CNTNAP4: variants seen among roughly 807,000 people sequenced by gnomAD.
CNTNAP4 encodes the protein contactin associated protein family member 4, also known as contactin-associated protein-like 4.
In CNTNAP4, 98 loss-of-function variants were observed where a neutral mutation model predicts 148.4. The ratio of observed to expected loss-of-function variants is 0.66; its 90% CI spans 0.56 to 0.78. CNTNAP4 has a LOEUF of 0.78. CNTNAP4 is among the 30% of genes least tolerant of loss of function. The pLI, the probability that CNTNAP4 is intolerant of heterozygous loss-of-function variation, is 0.00. For synonymous variants in CNTNAP4, 730 were observed against 565.1 expected, an observed-to-expected ratio of 1.29 and a Z score of -4.14; for missense variants, 1,935 against 1,565.6, an observed-to-expected ratio of 1.24 and a Z score of -3.98.
rs147000819 is a variant in CNTNAP4 at position 76,486,495 on chromosome 16, G to T, written c.1883-3191G>T. Among the ~76,000 whole-genome samples, 159 of 152,130 alleles carry T rather than the reference G, an allele frequency of 1.0e-3. 1 individual carries two copies. The highest frequency in any genetic ancestry group is 3.6e-3 in the African/African-American group (151 of 41,520). ...AACCTCAACCAGGTAGCAGTTGCTT[G>T]TCTACAGACAAGACAAGAATTATTT... On this transcript the variant is annotated intron_variant, in intron 12 of 23. Coordinates refer to ENST00000611870, the MANE Select transcript of CNTNAP4 (RefSeq NM_033401.5).
At chr16:76,436,245 G>A (rs568204803) in intron 4 of CNTNAP4, among the ~76,000 whole-genome samples, 14 of 152,180 alleles carry the variant, frequency 9.2e-5, no homozygotes, top group South Asian at 2.1e-4. Flanking sequence ...GGATGATGCC[G>A]CTACTGGGGA....
rs764995990 is a variant in CNTNAP4 at position 76,553,391 on chromosome 16, A to T, written c.3551A>T (p.His1184Leu). ...GTGGCCCCTCTGAAGGCAGCTCTGC[A>T]CCCCAGCCACCCAGACCCTGTCACT... The part of the protein sequence containing the change: ...SHVAPLKAAL[H>L]PSHPDPVTVT... Residue 1184 changes from histidine (H) to leucine (L), a missense_variant, in exon 22 of 24, where the codon CAC becomes CTC. By Grantham distance (99) the His-to-Leu change is moderately conservative (BLOSUM62 -3). Coordinates refer to ENST00000611870, the MANE Select transcript of CNTNAP4 (RefSeq NM_033401.5). 1 of 1,612,454 alleles carries T rather than the reference A, an allele frequency of 6.2e-7. No individual in the cohort carries two copies. Among genetic ancestry groups the T allele is most frequent in the South Asian group, 1.1e-5 (1 of 90,680 alleles).
intron 1 of CNTNAP4, among the ~76,000 whole-genome samples, chr16:76,300,067 C>A (rs1948677091): frequency 6.6e-6 from 1 of 151,826 alleles, no homozygotes; most frequent in Non-Finnish European, 1.5e-5. Flanking sequence ...ATGGGTGCAG[C>A]ACACCAACAC....
At chr16:76,305,620 G>A (rs1035370705) in intron 1 of CNTNAP4, among the ~76,000 whole-genome samples, 1 of 152,184 alleles carries the variant, frequency 6.6e-6, no homozygotes, top group Non-Finnish European at 1.5e-5. Flanking sequence ...TGGCTTAGCA[G>A]TGGGGAAGGA....
At chr16:76,384,719 A>G (rs1366971506) in intron 3 of CNTNAP4, among the ~76,000 whole-genome samples, 1 of 152,122 alleles carries the variant, frequency 6.6e-6, no homozygotes, top group Admixed American at 6.5e-5. Flanking sequence ...CCTCGAAATC[A>G]CCAGTTGTCA....
chr16:76,551,051 C>A (rs937145174), intron 21 of CNTNAP4, among the ~76,000 whole-genome samples: 1 of 152,218 alleles, frequency 6.6e-6, no homozygotes, highest in African/African-American at 2.4e-5. Flanking sequence ...AACATTGTAT[C>A]AGGATTTTTA....
intron 2 of CNTNAP4, among the ~76,000 whole-genome samples, chr16:76,347,848 T>G (rs1206727270): frequency 6.6e-6 from 1 of 151,800 alleles, no homozygotes; most frequent in African/African-American, 2.4e-5. Flanking sequence ...GGGGGTGGTT[T>G]AAGGGGGCAG....
At chr16:76,462,585 G>A (rs976504421) in intron 9 of CNTNAP4, among the ~76,000 whole-genome samples, 16 of 152,098 alleles carry the variant, frequency 1.1e-4, no homozygotes, top group African/African-American at 3.9e-4. Flanking sequence ...TAAGCATAAT[G>A]CACTGATACA....
Position 76,476,050 on chromosome 16 carries a change from G to C in CNTNAP4, c.1762+5G>C. 1 of 1,593,616 alleles carries C rather than the reference G, an allele frequency of 6.3e-7. No individual in the cohort carries two copies. The highest frequency in any genetic ancestry group is 8.6e-7 in the Non-Finnish European group (1 of 1,161,532). The stretch of plus-strand genomic sequence containing the variant: ...GAGGAGCTACTTGCCATAACTGTAA[G>C]CGGAACACATCTGCTTTTTCTTGCC... On this transcript the variant is annotated splice_donor_5th_base_variant and intron_variant, in intron 11 of 23. Transcript: ENST00000611870.
intron 3 of CNTNAP4, among the ~76,000 whole-genome samples, chr16:76,392,745 A>G (rs2078072373): frequency 6.6e-6 from 1 of 152,184 alleles, no homozygotes; most frequent in African/African-American, 2.4e-5. Flanking sequence ...TTGAAATAAC[A>G]AAGGGACATG....
At chr16:76,454,828 A>G (rs760222318) in intron 8 of CNTNAP4, among the ~76,000 whole-genome samples, 3 of 152,196 alleles carry the variant, frequency 2.0e-5, no homozygotes, top group African/African-American at 7.2e-5. Flanking sequence ...ATCACATTGT[A>G]CTAAATCTTT....
chr16:76,354,106 C>G (rs913463201), intron 2 of CNTNAP4, among the ~76,000 whole-genome samples: 6 of 152,122 alleles, frequency 3.9e-5, no homozygotes, highest in African/African-American at 1.4e-4. Flanking sequence ...TGCTAACATT[C>G]TTATTTGGGG....
intron 15 of CNTNAP4, among the ~76,000 whole-genome samples, chr16:76,514,553 A>G (rs974718397): frequency 2.0e-5 from 3 of 152,108 alleles, no homozygotes; most frequent in Non-Finnish European, 4.4e-5. Flanking sequence ...CATTTGCCAC[A>G]TCTATCTTAC....
chr16:76,315,065 ATTTTG>A (rs762778314), intron 1 of CNTNAP4, among the ~76,000 whole-genome samples: 14 of 150,432 alleles, frequency 9.3e-5, no homozygotes, highest in Non-Finnish European at 1.5e-4. Context: ...AGATTCAACT[ATTTTG>A]TTTTGTGTTG....
At chr16:76,403,961 A>G (rs2078509615) in intron 3 of CNTNAP4, among the ~76,000 whole-genome samples, 1 of 152,152 alleles carries the variant, frequency 6.6e-6, no homozygotes, top group Admixed American at 6.6e-5. Flanking sequence ...AAAACCAAAT[A>G]CCATATGTTC....
intron 1 of CNTNAP4, among the ~76,000 whole-genome samples, chr16:76,285,553 T>C (rs1958846004): frequency 6.6e-6 from 1 of 152,058 alleles, no homozygotes; most frequent in Non-Finnish European, 1.5e-5. Context: ...TTCTAAATCG[T>C]AAAAGACATA....
intron 15 of CNTNAP4, among the ~76,000 whole-genome samples, chr16:76,500,473 A>G (rs1250379148): frequency 6.6e-6 from 1 of 152,242 alleles, no homozygotes; most frequent in African/African-American, 2.4e-5. Flanking sequence ...CCACATAGGA[A>G]AGCCTCAGTG....
At chr16:76,486,483 T>C (rs574171467) in intron 12 of CNTNAP4, among the ~76,000 whole-genome samples, 1 of 152,006 alleles carries the variant, frequency 6.6e-6, no homozygotes, top group African/African-American at 2.4e-5. Flanking sequence ...CTCAACCAGG[T>C]AGCAGTTGCT....
chr16:76,298,827 G>C (rs961984759), intron 1 of CNTNAP4, among the ~76,000 whole-genome samples: 1 of 152,024 alleles, frequency 6.6e-6, no homozygotes, highest in Non-Finnish European at 1.5e-5. Flanking sequence ...AACAATATGT[G>C]GGTGGTGGAC....
Sources: allele counts gnomAD v4.1 joint callset (sites outside exome capture counted in the v4.1 genomes callset), GRCh38; gene constraint gnomAD v4.1.1; transcripts MANE v1.5; gene names NCBI Gene and HGNC (gene_info 2026-07-23, HGNC 2026-07-21).